Variants in NAALADL2 observed in about 807,000 individuals in gnomAD.
NAALADL2 encodes N-acetylated alpha-linked acidic dipeptidase like 2, also known as inactive N-acetylated-alpha-linked acidic dipeptidase-like protein 2.
In NAALADL2, 76 loss-of-function variants were observed where a neutral mutation model predicts 87.2. That is an observed-to-expected ratio of 0.87 (90% confidence interval 0.72 to 1.05). The LOEUF (loss-of-function observed/expected upper bound fraction) is 1.05, where lower values mean the gene tolerates loss of function less well. NAALADL2 is among the 50% of genes least tolerant of loss of function. NAALADL2 has a pLI of 0.00. For missense variants in NAALADL2, 1,089 were observed against 945.8 expected (o/e 1.15, Z -1.99); for synonymous variants, 354 against 331.0 (o/e 1.07, Z -0.75).
intron 2 of NAALADL2, among the ~76,000 whole-genome samples, chr3:174,707,593 C>G (rs1233890393): frequency 1.4e-5 from 2 of 139,026 alleles, no homozygotes; most frequent in Non-Finnish European, 3.0e-5. Context: ...GGGAATTGAA[C>G]AATGAGAACG....
intron 11 of NAALADL2, among the ~76,000 whole-genome samples, chr3:175,680,791 C>T (rs1374678239): frequency 6.6e-6 from 1 of 152,154 alleles, no homozygotes; most frequent in East Asian, 1.9e-4. Context: ...TATTATGTGA[C>T]ATACAAGTAT....
chr3:174,933,756 G>T (rs996299697), intron 1 of NAALADL2, among the ~76,000 whole-genome samples: 1 of 152,088 alleles, frequency 6.6e-6, no homozygotes, highest in Non-Finnish European at 1.5e-5. Context: ...AAAGGAAAAG[G>T]AACTCCCAAA....
At chr3:174,782,651 G>T (rs1470681451) in intron 3 of NAALADL2, among the ~76,000 whole-genome samples, 1 of 152,080 alleles carries the variant, frequency 6.6e-6, no homozygotes, top group Non-Finnish European at 1.5e-5. Flanking sequence ...AGGTTTAATT[G>T]ACTCACAGTT....
intron 2 of NAALADL2, among the ~76,000 whole-genome samples, chr3:174,573,114 C>A (rs1291727738): frequency 6.6e-6 from 1 of 152,156 alleles, no homozygotes; most frequent in Non-Finnish European, 1.5e-5. Context: ...ACATGGACCT[C>A]TTAAAAAGTT....
At chr3:175,159,421 G>A (rs764466064) in intron 2 of NAALADL2, among the ~76,000 whole-genome samples, 1 of 152,110 alleles carries the variant, frequency 6.6e-6, no homozygotes, top group Non-Finnish European at 1.5e-5. Context: ...TAGAATTGTA[G>A]TCAAGTTTGA....
At chr3:174,616,841 G>A (rs1001611509) in intron 2 of NAALADL2, among the ~76,000 whole-genome samples, 2 of 151,606 alleles carry the variant, frequency 1.3e-5, no homozygotes, top group African/African-American at 4.8e-5. Flanking sequence ...TCTATTCTTG[G>A]CATCTTGATA....
intron 1 of NAALADL2, among the ~76,000 whole-genome samples, chr3:174,874,487 A>T: frequency 6.6e-6 from 1 of 152,152 alleles, no homozygotes; most frequent in East Asian, 1.9e-4. Context: ...GTAAGGGCTG[A>T]CAAAACATGT....
chr3:175,208,098 A>G (rs1425188401), intron 2 of NAALADL2, among the ~76,000 whole-genome samples: 3 of 152,146 alleles, frequency 2.0e-5, no homozygotes, highest in Non-Finnish European at 4.4e-5. Context: ...TTGTTTGTTC[A>G]TGTTCCTCCA....
chr3:174,863,613 G>C (rs896839612), intron 1 of NAALADL2, among the ~76,000 whole-genome samples: 1 of 151,934 alleles, frequency 6.6e-6, no homozygotes, highest in Non-Finnish European at 1.5e-5. Flanking sequence ...AGGAGCCTTA[G>C]TGTCTATGCT....
At chr3:175,372,341 T>C (rs1002130415) in intron 5 of NAALADL2, among the ~76,000 whole-genome samples, 1 of 152,222 alleles carries the variant, frequency 6.6e-6, no homozygotes, top group African/African-American at 2.4e-5. Context: ...ATCTACCTAG[T>C]ATCAGTTAGA....
At chr3:175,014,887 C>G (rs1750618437) in intron 1 of NAALADL2, among the ~76,000 whole-genome samples, 1 of 151,980 alleles carries the variant, frequency 6.6e-6, no homozygotes, top group African/African-American at 2.4e-5. Context: ...TTCCCTCTTT[C>G]TCTCTTCTCT....
intron 4 of NAALADL2, among the ~76,000 whole-genome samples, chr3:175,314,662 CTAACTATATATATATATATATATA>C (rs1560341529): frequency 2.7e-5 from 1 of 37,478 alleles, no homozygotes; most frequent in African/African-American, 9.5e-5. Flanking sequence ...ATATATAGTT[CTAACTATATATATATATATATATA>C]TATATATATA....
chr3:175,090,950 C>T (rs1719995857), intron 1 of NAALADL2, among the ~76,000 whole-genome samples: 1 of 141,828 alleles, frequency 7.1e-6, no homozygotes, highest in Non-Finnish European at 1.5e-5. Flanking sequence ...GTTGCCAAGA[C>T]CATTTCACTA....
chr3:175,111,842 G>T (rs1360725305), intron 2 of NAALADL2, among the ~76,000 whole-genome samples: 1 of 151,550 alleles, frequency 6.6e-6, no homozygotes. Context: ...TCATGTTATT[G>T]TGAAGACTTG....
At chr3:174,897,915 C>T (rs1272476890) in intron 1 of NAALADL2, among the ~76,000 whole-genome samples, 3 of 137,608 alleles carry the variant, frequency 2.2e-5, no homozygotes, top group African/African-American at 1.0e-4. Context: ...AGATCGAGAC[C>T]ATCCCGGCTA....
intron 2 of NAALADL2, among the ~76,000 whole-genome samples, chr3:174,609,075 T>C (rs1215012688): frequency 1.3e-5 from 2 of 151,930 alleles, no homozygotes; most frequent in South Asian, 4.1e-4. Flanking sequence ...CATGATTTTC[T>C]CAATAGATGC....
chr3:174,694,979 A>G (rs117785868), intron 2 of NAALADL2, among the ~76,000 whole-genome samples: 1 of 152,166 alleles, frequency 6.6e-6, no homozygotes, highest in East Asian at 1.9e-4. Context: ...ATTAGAAGCA[A>G]GGAATTCATT....
intron 1 of NAALADL2, among the ~76,000 whole-genome samples, chr3:174,936,468 G>T (rs1560386055): frequency 6.6e-6 from 1 of 151,938 alleles, no homozygotes; most frequent in Non-Finnish European, 1.5e-5. Flanking sequence ...CAGATAAAAA[G>T]ATTTTGAGAA....
At chr3:174,787,608 T>C (rs891324225) in intron 3 of NAALADL2, among the ~76,000 whole-genome samples, 19 of 109,318 alleles carry the variant, frequency 1.7e-4, no homozygotes, top group Admixed American at 2.9e-4. Flanking sequence ...TATATATATA[T>C]ATATATATAT....
Sources: gnomAD v4.1 joint callset for allele counts (sites outside exome capture counted in the v4.1 genomes callset) on GRCh38, gnomAD v4.1.1 for gene constraint, MANE v1.5 for transcripts, NCBI Gene and HGNC (gene_info 2026-07-23, HGNC 2026-07-21) for gene names.